The following SHANK2 variants were observed in gnomAD, a reference collection of about 807,000 sequenced individuals.
The protein encoded by SHANK2 is SH3 and multiple ankyrin repeat domains protein 2.
In SHANK2, 43 loss-of-function variants were observed where a neutral mutation model predicts 133.7. The ratio of observed to expected loss-of-function variants is 0.32; its 90% confidence interval spans 0.25 to 0.41. The LOEUF (loss-of-function observed/expected upper bound fraction) is 0.41. Among genes scored for constraint, SHANK2 ranks in the 10% least tolerant of loss-of-function variants. The pLI, the probability that SHANK2 is intolerant of heterozygous loss-of-function variation, is 1.00. For synonymous variants in SHANK2, 1,017 were observed against 952.8 expected (o/e 1.07, Z -1.24); for missense variants, 1,994 against 2,235.8 (o/e 0.89, Z 2.18).
At chr11:70,693,284 G>A (rs1384287392) in intron 15 of SHANK2, among the ~76,000 whole-genome samples, 3 of 152,162 alleles carry the variant, frequency 2.0e-5, no homozygotes, top group Non-Finnish European at 4.4e-5. Context: ...CTGCAAGTGC[G>A]AGAAGACCCA....
At chr11:70,921,936 G>GA (rs1342503961) in intron 10 of SHANK2, among the ~76,000 whole-genome samples, 2 of 152,094 alleles carry the variant, frequency 1.3e-5, no homozygotes, top group African/African-American at 4.8e-5. Context: ...AAAACAAAGA[G>GA]AAAAAACAGT....
At chr11:70,503,583 G>A (rs1343249542) in intron 17 of SHANK2, among the ~76,000 whole-genome samples, 5 of 152,214 alleles carry the variant, frequency 3.3e-5, no homozygotes, top group African/African-American at 1.2e-4. Context: ...GGGACGGTGA[G>A]TGGCAGGCTG....
At chr11:70,883,480 T>G (rs1555072790) in intron 11 of SHANK2, among the ~76,000 whole-genome samples, 1 of 152,124 alleles carries the variant, frequency 6.6e-6, no homozygotes, top group East Asian at 1.9e-4. Flanking sequence ...CTGGACCTGG[T>G]GCAGGGCTTC....
intron 9 of SHANK2, among the ~76,000 whole-genome samples, chr11:71,057,242 G>T (rs1950931854): frequency 6.6e-6 from 1 of 152,108 alleles, no homozygotes; most frequent in Admixed American, 6.5e-5. Context: ...GCTGAGGCAG[G>T]AGAATCACTT....
intron 10 of SHANK2, among the ~76,000 whole-genome samples, chr11:70,924,712 C>A (rs1003908221): frequency 5.3e-5 from 8 of 152,166 alleles, no homozygotes; most frequent in Admixed American, 1.3e-4. Flanking sequence ...CCGCCTTGAC[C>A]CCCCAAAGTG....
chr11:71,083,185 C>A (rs1466734429), intron 8 of SHANK2, among the ~76,000 whole-genome samples: 1 of 152,152 alleles, frequency 6.6e-6, no homozygotes, highest in Non-Finnish European at 1.5e-5. Flanking sequence ...AAGTGATCTG[C>A]CTGCCTCAGC....
chr11:70,840,724 G>A (rs1948890175), intron 11 of SHANK2, among the ~76,000 whole-genome samples: 1 of 152,148 alleles, frequency 6.6e-6, no homozygotes, highest in African/African-American at 2.4e-5. Context: ...GGGGAGGGCT[G>A]GGGGGCCATA....
intron 17 of SHANK2, among the ~76,000 whole-genome samples, chr11:70,568,656 C>CCG (rs2060002791): frequency 7.3e-6 from 1 of 137,484 alleles, no homozygotes; most frequent in African/African-American, 2.6e-5. Flanking sequence ...GCCCCCCCCG[C>CCG]CCACTTCCTC....
chr11:70,790,575 G>A (rs990792197), intron 14 of SHANK2, among the ~76,000 whole-genome samples: 8 of 152,358 alleles, frequency 5.3e-5, no homozygotes, highest in African/African-American at 1.9e-4. Flanking sequence ...CAAGTTTGCA[G>A]CACCAGCTCC....
At chr11:70,881,553 ATAATAATATTAATAATAATAT>A (rs782276993) in intron 11 of SHANK2, among the ~76,000 whole-genome samples, 885 of 18,948 alleles carry the variant, frequency 0.047, 56 homozygotes, top group East Asian at 0.28. Context: ...TGTCTCAATA[ATAATAATATTAATAATAATAT>A]TAATAATAAT....
At chr11:70,798,671 C>CT in intron 13 of SHANK2, 115 bp from the exon 14 acceptor site, 1 of 659,504 alleles carries the variant, frequency 1.5e-6, no homozygotes, top group Non-Finnish European at 2.8e-6. Context: ...CTGGCCAGGC[C>CT]TGCAGAGCAA....
chr11:71,157,470 G>A (rs781789751), intron 2 of SHANK2, among the ~76,000 whole-genome samples: 2 of 152,076 alleles, frequency 1.3e-5, no homozygotes, highest in South Asian at 2.1e-4. Context: ...GAAGTGTGCC[G>A]TTTTCTTGGT....
intron 2 of SHANK2, among the ~76,000 whole-genome samples, chr11:71,152,537 G>C (rs1555108275): frequency 6.6e-6 from 1 of 152,206 alleles, no homozygotes; most frequent in Non-Finnish European, 1.5e-5. Flanking sequence ...GGGCTCCTGA[G>C]GCCACAGCCC....
At chr11:70,896,920 G>C (rs782804094) in intron 10 of SHANK2, among the ~76,000 whole-genome samples, 8 of 152,186 alleles carry the variant, frequency 5.3e-5, no homozygotes, top group Non-Finnish European at 8.8e-5. Flanking sequence ...CACGGGGCTT[G>C]ATTGGTTCCA....
Position 70,955,516 on chromosome 11 carries a change from G to A in SHANK2, c.1108-58949C>T, listed in dbSNP as rs1412982821. On this transcript the variant is annotated intron_variant, in intron 10 of 25. Coordinates refer to ENST00000601538, the MANE Select transcript of SHANK2 (RefSeq NM_012309.5). ...ATTTACACATATATTTGTAATATGT[G>A]TCTATGTATATATTTGTGTATGTGT... Among the ~76,000 whole-genome samples, 7 of 151,878 alleles carry A rather than the reference G, an allele frequency of 4.6e-5. No homozygotes were observed. The South Asian group carries it at 8.3e-4, about 18-fold the overall frequency.
chr11:70,586,682 G>A (rs1192104504), intron 17 of SHANK2, among the ~76,000 whole-genome samples: 1 of 152,224 alleles, frequency 6.6e-6, no homozygotes, highest in Non-Finnish European at 1.5e-5. Flanking sequence ...TTTGAAAAAA[G>A]CATTTCCTTC....
intron 25 of SHANK2, among the ~76,000 whole-genome samples, chr11:70,478,870 C>A (rs1356343667): frequency 6.6e-6 from 1 of 152,236 alleles, no homozygotes; most frequent in Non-Finnish European, 1.5e-5. Flanking sequence ...GGGAGTGGGG[C>A]AGGCAGCCTG....
At chr11:71,062,581 C>T (rs1226426570) in intron 9 of SHANK2, among the ~76,000 whole-genome samples, 2 of 152,294 alleles carry the variant, frequency 1.3e-5, no homozygotes, top group East Asian at 3.9e-4. Context: ...CCAGCAAAAC[C>T]CAGATGGCTG....
At chr11:71,165,675 C>G (rs1555110692) in intron 2 of SHANK2, among the ~76,000 whole-genome samples, 1 of 152,182 alleles carries the variant, frequency 6.6e-6, no homozygotes, top group East Asian at 1.9e-4. Context: ...CCAGGGGTTG[C>G]CGGGGGACCT....
Sources: gnomAD v4.1 joint callset for allele counts (sites outside exome capture counted in the v4.1 genomes callset) on GRCh38, gnomAD v4.1.1 for gene constraint, MANE v1.5 for transcripts, NCBI Gene and HGNC (gene_info 2026-07-23, HGNC 2026-07-21) for gene names.